The following SPTY2D1 variants were observed in gnomAD, a reference collection of about 807,000 sequenced individuals.
SPTY2D1 encodes protein SPT2 homolog.
SPTY2D1 carries 21 observed loss-of-function variants against 64.0 expected under a neutral mutation model. The observed-to-expected ratio is 0.33, with a 90% CI of 0.23 to 0.47. The LOEUF is 0.47. Among genes scored for constraint, SPTY2D1 ranks in the 20% least tolerant of loss-of-function variants. SPTY2D1 has a pLI of 1.00. For synonymous variants in SPTY2D1, 287 were observed against 286.8 expected, an observed-to-expected ratio of 1.00 and a Z score of -0.01; for missense variants, 724 against 837.2, an observed-to-expected ratio of 0.86 and a Z score of 1.67.
intron 5 of SPTY2D1, among the ~76,000 whole-genome samples, chr11:18,610,667 T>TAAAAAAAAAAA (rs58363516): frequency 9.3e-5 from 9 of 96,708 alleles, no homozygotes; most frequent in African/African-American, 3.3e-4. Flanking sequence ...CCCTGTCTCT[T>TAAAAAAAAAAA]AAAAAAAAAA....
Position 18,614,634 on chromosome 11 carries a change from A to G in SPTY2D1, c.1640T>C (p.Ile547Thr). The G allele has an allele frequency of 6.2e-7, 1 of 1,614,254 alleles. No individual in the cohort carries two copies. Among genetic ancestry groups the G allele is most frequent in the Non-Finnish European group, 8.5e-7 (1 of 1,180,048 alleles). ...CTGTCCATTGCTGGACCGGCTAATG[A>G]TATTCTTGGAAGAAATTGTTTCGGA... ...VVSETISSKNIISRSSNGQMN... is the reference protein window; with the variant it reads ...VVSETISSKNTISRSSNGQMN... Residue 547 changes from isoleucine (I) to threonine (T), a missense_variant, in exon 3 of 6, where the codon ATC (isoleucine) becomes ACC (threonine). Physicochemically the swap from Ile to Thr is moderately conservative, Grantham distance 89 (BLOSUM62 -1). Around this residue, in one of 3 missense-constraint regions of SPTY2D1, gnomAD observed 426 missense variants for 431.8 expected, o/e 0.99. Coordinates refer to ENST00000336349, the MANE Select transcript of SPTY2D1 (RefSeq NM_194285.3).
At chr11:18,629,376 C>T (rs1035528269) in intron 1 of SPTY2D1, among the ~76,000 whole-genome samples, 3 of 152,022 alleles carry the variant, frequency 2.0e-5, no homozygotes, top group East Asian at 3.9e-4. Flanking sequence ...TGGTGGCGTG[C>T]GGCTGCAGTC....
rs1287356988 is a variant in SPTY2D1 at position 18,616,860 on chromosome 11, G to A, written c.175+15C>T. On this transcript the variant is annotated intron_variant, in intron 2 of 5. Coordinates refer to ENST00000336349, the MANE Select transcript of SPTY2D1 (RefSeq NM_194285.3). ...GGAATACTTTAAAATTGAGAATAAGGCTATAGATACATACCTTTTCGTCTC... is the reference window on the plus strand; with the variant it reads ...GGAATACTTTAAAATTGAGAATAAGACTATAGATACATACCTTTTCGTCTC... 6 of 1,610,194 alleles carry A rather than the reference G, an allele frequency of 3.7e-6. No individual in the cohort carries two copies. Among genetic ancestry groups the A allele is most frequent in the Non-Finnish European group, 5.1e-6 (6 of 1,176,888 alleles).
At chr11:18,610,203 T>C (rs74232554) in intron 5 of SPTY2D1, 35,456 of 391,356 alleles carry the variant, frequency 0.091, 2,163 homozygotes, top group East Asian at 0.24. Flanking sequence ...TAATAAAATA[T>C]AGGTTTATCT....
intron 1 of SPTY2D1, among the ~76,000 whole-genome samples, chr11:18,622,328 G>A (rs542142675): frequency 2.0e-5 from 3 of 151,948 alleles, no homozygotes; most frequent in South Asian, 2.1e-4. Flanking sequence ...CCAGGAGTTC[G>A]AAACTAGCCT....
At chr11:18,628,704 C>T (rs1382542696) in intron 1 of SPTY2D1, among the ~76,000 whole-genome samples, 1 of 152,142 alleles carries the variant, frequency 6.6e-6, no homozygotes, top group Non-Finnish European at 1.5e-5. Flanking sequence ...TATCATATTG[C>T]CAGGACCTCG....
At chr11:18,630,453 G>T (rs1854570268) in intron 1 of SPTY2D1, among the ~76,000 whole-genome samples, 1 of 152,158 alleles carries the variant, frequency 6.6e-6, no homozygotes, top group South Asian at 2.1e-4. Flanking sequence ...CCAGCCTGGT[G>T]ACAGAACGAG....
chr11:18,628,921 C>G (rs1299031275), intron 1 of SPTY2D1, among the ~76,000 whole-genome samples: 1 of 152,166 alleles, frequency 6.6e-6, no homozygotes, highest in African/African-American at 2.4e-5. Flanking sequence ...CAGACTACTT[C>G]AAGAATTTAC....
Position 18,614,806 on chromosome 11 carries a change from T to G in SPTY2D1, c.1468A>C (p.Ser490Arg). The change falls in exon 3 of 6, where the codon AGT becomes CGT. Residue 490 changes from serine to arginine, a missense_variant. Physicochemically the swap from Ser to Arg is moderately radical, Grantham distance 110. This residue lies in a region of SPTY2D1 where 426 missense variants were observed against 431.8 expected (regional missense o/e 0.99). Coordinates refer to ENST00000336349, the MANE Select transcript of SPTY2D1 (RefSeq NM_194285.3). ...CCACTTATGGATCTCCCAGGGCCAC[T>G]GACAGACCGCCCCGGGGGGCCCAAG... ...SGLGPPGRSV[S>R]GPGRSISGSI... 1 of 1,613,214 alleles carries G rather than the reference T, an allele frequency of 6.2e-7. No individual in the cohort carries two copies.
At chr11:18,610,044 A>G (rs1854173345) in intron 5 of SPTY2D1, 90 bp from the exon 6 acceptor site, 1 of 1,181,696 alleles carries the variant, frequency 8.5e-7, no homozygotes, top group Non-Finnish European at 1.2e-6. Flanking sequence ...GGGAGCTCAC[A>G]TGGATTGTGC....
rs748961233 is a variant in SPTY2D1, at chr11:18,616,966, C to T, written c.84G>A (p.Gly28=). ...TAACTTTTGGGTCTTTTTTTGGAGG[C>T]CCCACTGCCAAACTATACCTTTTCT... The part of the protein sequence containing the change: ...NVPKRYSLAV[G]PPKKDPKVKG... The change falls in exon 2 of 6, where the codon GGG becomes GGA. Residue 28 remains glycine (G), a synonymous_variant. Coordinates refer to ENST00000336349, the MANE Select transcript of SPTY2D1 (RefSeq NM_194285.3). 1 of 1,613,960 alleles carries T rather than the reference C, an allele frequency of 6.2e-7. No homozygotes were observed. Among genetic ancestry groups the T allele is most frequent in the Non-Finnish European group, 8.5e-7 (1 of 1,179,948 alleles).
At chr11:18,630,700 G>A (rs1239820415) in intron 1 of SPTY2D1, among the ~76,000 whole-genome samples, 1 of 152,236 alleles carries the variant, frequency 6.6e-6, no homozygotes, top group Non-Finnish European at 1.5e-5. Flanking sequence ...AATAGAGAGA[G>A]ATGCAGCCTA....
chr11:18,613,341 G>A (rs1459037585), intron 3 of SPTY2D1, among the ~76,000 whole-genome samples: 2 of 152,188 alleles, frequency 1.3e-5, no homozygotes, highest in African/African-American at 4.8e-5. Flanking sequence ...CAACAGCCCA[G>A]GATCTGGGAA....
chr11:18,609,741 A>C lies in SPTY2D1; in HGVS notation c.*120T>G, dbSNP rs1284366550. 3 of 794,112 alleles carry C rather than the reference A, an allele frequency of 3.8e-6. No individual in the cohort carries two copies. Among genetic ancestry groups the C allele is most frequent in the Admixed American group, 2.6e-5 (1 of 38,640 alleles). 49.2% of individuals were successfully genotyped at this position (794,112 alleles called of 1,614,324 possible). A position where few individuals can be genotyped will look rare whatever the true frequency, so the allele number is the denominator to read the frequency against. ...TGACAGCCTGCAAATGACAGTATGC[A>C]TTCCTTCTCCTTGAGTACCCAAGTA... On this transcript the variant is annotated 3_prime_UTR_variant, in exon 6 of 6. Transcript: ENST00000336349.
intron 1 of SPTY2D1, among the ~76,000 whole-genome samples, chr11:18,626,711 T>C (rs1055024247): frequency 2.6e-5 from 4 of 152,224 alleles, no homozygotes; most frequent in African/African-American, 9.6e-5. Flanking sequence ...TTATGATGAT[T>C]AAATTAATAT....
rs1295092259 is a variant in SPTY2D1 at position 18,612,384 on chromosome 11, C to T, written c.1816G>A (p.Glu606Lys). 1.9e-6 allele frequency: 3 copies of T among 1,611,536 alleles called. No individual in the cohort carries two copies. Among genetic ancestry groups the T allele is most frequent in the Non-Finnish European group, 2.5e-6 (3 of 1,178,580 alleles). The change falls in exon 4 of 6, where the codon GAA becomes AAA. Residue 606 changes from glutamate (E) to lysine (K), a missense_variant. By Grantham distance (56) the Glu-to-Lys change is moderately conservative. This residue lies in a region of SPTY2D1 where 119 missense variants were observed against 172.9 expected (regional missense o/e 0.69). Coordinates refer to ENST00000336349, the MANE Select transcript of SPTY2D1 (RefSeq NM_194285.3). This position sits in a 1 kb window ranked among gnomAD's most constrained non-coding sequence, Gnocchi z 4.6. ...EYDSEMEDFI[E>K]DEGEPQEEIS... is the part of the protein sequence containing the mutation. Reference sequence around the variant, plus strand: ...TCTTCCTGAGGCTCTCCTTCATCTTCAATAAAATCTTCCATTTCAGAGTCG... The same window carrying T: ...TCTTCCTGAGGCTCTCCTTCATCTTTAATAAAATCTTCCATTTCAGAGTCG...
intron 5 of SPTY2D1, 50 bp from the exon 6 acceptor site, chr11:18,610,004 C>T (rs73424436): frequency 0.015 from 23,337 of 1,514,640 alleles, 270 homozygotes; most frequent in African/African-American, 0.041. Flanking sequence ...GAGATGACCA[C>T]TTTCCTTAAA....
chr11:18,628,348 T>C (rs1854532683), intron 1 of SPTY2D1, among the ~76,000 whole-genome samples: 1 of 152,216 alleles, frequency 6.6e-6, no homozygotes, highest in South Asian at 2.1e-4. Context: ...CTCTTAGGCA[T>C]ATGATCATAG....
chr11:18,610,309 G>T, intron 5 of SPTY2D1: 1 of 183,480 alleles, frequency 5.5e-6, no homozygotes, highest in South Asian at 1.2e-4. Flanking sequence ...AATTTTATGG[G>T]CAAGAGGGAG....
Sources: allele counts gnomAD v4.1 joint callset (sites outside exome capture counted in the v4.1 genomes callset), GRCh38; gene constraint gnomAD v4.1.1; regional missense constraint gnomAD v4.1.1; non-coding constraint Gnocchi (gnomAD v3.1); transcripts MANE v1.5; gene names NCBI Gene and HGNC (gene_info 2026-07-23, HGNC 2026-07-21).